MACROD2: variants seen among roughly 807,000 people sequenced by gnomAD.
MACROD2 encodes ADP-ribose glycohydrolase MACROD2.
A neutral mutation model predicts 70.4 loss-of-function variants in MACROD2; 36 were observed. The observed-to-expected ratio is 0.51, with a 90% CI of 0.39 to 0.68. The LOEUF is 0.68. Ranked by LOEUF, MACROD2 falls within the 30% of genes least tolerant of loss-of-function variation. MACROD2 has a pLI of 0.00. For synonymous variants in MACROD2, 172 were observed against 178.8 expected, an observed-to-expected ratio of 0.96 and a Z score of 0.30; for missense variants, 496 against 538.4, an observed-to-expected ratio of 0.92 and a Z score of 0.78.
chr20:14,439,820 T>G (rs2084101679), intron 3 of MACROD2, among the ~76,000 whole-genome samples: 2 of 151,986 alleles, frequency 1.3e-5, no homozygotes, highest in Admixed American at 1.3e-4. Context: ...AGTGAAAAGG[T>G]TTTTTGTTTT....
intron 4 of MACROD2, among the ~76,000 whole-genome samples, chr20:14,662,042 C>T (rs554676017): frequency 1.2e-4 from 19 of 152,146 alleles, no homozygotes; most frequent in African/African-American, 4.6e-4. Context: ...AACTTAAGTA[C>T]ATTTTAGTTG....
At chr20:15,134,527 C>A (rs1194455114) in intron 5 of MACROD2, among the ~76,000 whole-genome samples, 2 of 151,952 alleles carry the variant, frequency 1.3e-5, no homozygotes, top group Non-Finnish European at 2.9e-5. Flanking sequence ...AATGAGAACA[C>A]AGACACAACA....
At chr20:14,679,818 A>G (rs376038775) in intron 4 of MACROD2, among the ~76,000 whole-genome samples, 1 of 152,180 alleles carries the variant, frequency 6.6e-6, no homozygotes, top group South Asian at 2.1e-4. Context: ...ATGTAGTTCC[A>G]TTGTTCTATA....
intron 8 of MACROD2, among the ~76,000 whole-genome samples, chr20:15,796,356 G>T (rs1467317657): frequency 6.6e-6 from 1 of 152,190 alleles, no homozygotes; most frequent in Non-Finnish European, 1.5e-5. Context: ...CTAATTTTAA[G>T]AATTTTGAAC....
intron 2 of MACROD2, among the ~76,000 whole-genome samples, chr20:14,072,742 G>C (rs2053863525): frequency 6.6e-6 from 1 of 152,054 alleles, no homozygotes; most frequent in Non-Finnish European, 1.5e-5. Context: ...AGACCATCCT[G>C]GCTAACACTG....
rs79262284 is a variant in MACROD2 at position 15,551,116 on chromosome 20, G to A, written c.645+51269G>A. Among the ~76,000 whole-genome samples, 644 of 152,054 alleles carry A rather than the reference G, an allele frequency of 4.2e-3. 5 individuals are homozygous for A. The highest frequency in any genetic ancestry group is 0.015 in the African/African-American group (607 of 41,480). On this transcript the variant is annotated intron_variant, in intron 8 of 17. Coordinates refer to ENST00000684519, the MANE Select transcript of MACROD2 (RefSeq NM_001351661.2). The stretch of plus-strand genomic sequence containing the variant: ...AAGGAGATAGGCAATGTGAAGCCAG[G>A]GAGGGCTGTGGAGGTTCAGCTGCTC...
In MACROD2 at chr20:15,869,238, T is replaced by TATATATATATAGAGAGAG; in HGVS notation, c.727+6413_727+6414insTATATATATAGAGAGAGA. On this transcript the variant is annotated intron_variant, in intron 9 of 17. Coordinates refer to ENST00000684519, the MANE Select transcript of MACROD2 (RefSeq NM_001351661.2). ...ATATATATATATATATATATATATA[T>TATATATATATAGAGAGAG]AGAGAGAGAGAGAGAGAGAGAGAGA... Among the ~76,000 whole-genome samples the TATATATATATAGAGAGAG allele has an allele frequency of 5.2e-3, 147 of 28,286 alleles. 3 individuals carry two copies. The highest frequency in any genetic ancestry group is 7.8e-3 in the Non-Finnish European group (101 of 13,026). The allele number at this position is 28,286 out of a possible 152,430, so 18.6% of individuals were successfully genotyped here. A position where few individuals can be genotyped will look rare whatever the true frequency, so the allele number is the denominator to read the frequency against.
chr20:14,694,552 G>A (rs2071099775), intron 5 of MACROD2, among the ~76,000 whole-genome samples: 1 of 152,084 alleles, frequency 6.6e-6, no homozygotes, highest in Admixed American at 6.6e-5. Flanking sequence ...TAAAATAAAA[G>A]TTTCTTATCT....
chr20:15,356,114 A>G (rs549119695), intron 6 of MACROD2, among the ~76,000 whole-genome samples: 7 of 152,100 alleles, frequency 4.6e-5, no homozygotes, highest in African/African-American at 1.4e-4. Flanking sequence ...CTTACATTAT[A>G]ATTGGATTTA....
intron 6 of MACROD2, among the ~76,000 whole-genome samples, chr20:15,354,932 G>A (rs778790936): frequency 2.6e-5 from 4 of 152,138 alleles, no homozygotes; most frequent in Non-Finnish European, 4.4e-5. Context: ...CACTAGTTTT[G>A]TACTTTAGGT....
chr20:15,771,589 A>T (rs1265728714), intron 8 of MACROD2, among the ~76,000 whole-genome samples: 4 of 151,992 alleles, frequency 2.6e-5, no homozygotes, highest in African/African-American at 7.2e-5. Flanking sequence ...GTCTGTCTGT[A>T]TACATATGGA....
intron 8 of MACROD2, among the ~76,000 whole-genome samples, chr20:15,557,238 T>G (rs1351392810): frequency 3.3e-5 from 5 of 152,188 alleles, no homozygotes; most frequent in Non-Finnish European, 7.4e-5. Flanking sequence ...AATGTTTTCC[T>G]TAGGAACAAT....
intron 4 of MACROD2, among the ~76,000 whole-genome samples, chr20:14,676,624 A>G (rs1305422651): frequency 2.6e-5 from 4 of 152,280 alleles, no homozygotes; most frequent in Non-Finnish European, 4.4e-5. Context: ...TGAAAGATCT[A>G]AAATCGACAC....
intron 5 of MACROD2, among the ~76,000 whole-genome samples, chr20:15,124,251 T>TGA (rs1383670999): frequency 6.6e-6 from 1 of 151,838 alleles, no homozygotes; most frequent in African/African-American, 2.4e-5. Flanking sequence ...TTAAAAATGT[T>TGA]GGAGTGTGAG....
intron 5 of MACROD2, among the ~76,000 whole-genome samples, chr20:14,763,544 G>A (rs1443960412): frequency 1.3e-5 from 2 of 152,226 alleles, no homozygotes; most frequent in Non-Finnish European, 2.9e-5. Flanking sequence ...TATCAAGGAG[G>A]TGGCAATATG....
At chr20:15,153,231 G>A (rs949711541) in intron 5 of MACROD2, among the ~76,000 whole-genome samples, 19 of 152,018 alleles carry the variant, frequency 1.2e-4, no homozygotes, top group Non-Finnish European at 1.9e-4. Context: ...GGGTGCAGGC[G>A]GGCTGAGTCT....
At chr20:15,989,636 C>T (rs954939064) in intron 15 of MACROD2, among the ~76,000 whole-genome samples, 3 of 152,014 alleles carry the variant, frequency 2.0e-5, no homozygotes, top group Non-Finnish European at 4.4e-5. Context: ...GAAAACATTT[C>T]GAGGCTATAG....
At chr20:14,706,111 C>G (rs1014659146) in intron 5 of MACROD2, among the ~76,000 whole-genome samples, 1 of 151,964 alleles carries the variant, frequency 6.6e-6, no homozygotes, top group Non-Finnish European at 1.5e-5. Context: ...GTCAAGAGAT[C>G]GATACCATCC....
At chr20:15,984,984 C>A (rs2066458227) in intron 13 of MACROD2, among the ~76,000 whole-genome samples, 1 of 152,080 alleles carries the variant, frequency 6.6e-6, no homozygotes, top group Non-Finnish European at 1.5e-5. Context: ...GGCCTGGGTG[C>A]CTTGGCTTAC....
Sources: allele counts gnomAD v4.1 joint callset (sites outside exome capture counted in the v4.1 genomes callset), GRCh38; gene constraint gnomAD v4.1.1; transcripts MANE v1.5; gene names NCBI Gene and HGNC (gene_info 2026-07-23, HGNC 2026-07-21).